Variants in TAT observed in about 807,000 individuals in gnomAD.
The protein encoded by TAT is tyrosine aminotransferase, also known as L-tyrosine:2-oxoglutarate aminotransferase.
TAT carries 35 observed loss-of-function variants against 53.6 expected under a neutral mutation model. The observed-to-expected ratio is 0.65, with a 90% CI of 0.50 to 0.87. TAT has a LOEUF of 0.87. Among genes scored for constraint, TAT ranks in the 40% least tolerant of loss-of-function variants. TAT has a pLI of 0.00. For missense variants in TAT, 525 were observed against 571.8 expected, an observed-to-expected ratio of 0.92 and a Z score of 0.83; for synonymous variants, 197 against 206.5, an observed-to-expected ratio of 0.95 and a Z score of 0.39.
At position 71,570,342 on chromosome 16, in the gene TAT, A is replaced by G. The variant is rs1179816553; in HGVS notation, c.968T>C (p.Val323Ala). The G allele has an allele frequency of 1.2e-6, 2 of 1,614,224 alleles. No homozygotes were observed. The highest frequency in any genetic ancestry group is 1.3e-5 in the African/African-American group (1 of 75,052). The part of the protein sequence containing the change: ...SQRILGPCTI[V>A]QGALKSILCR... The stretch of plus-strand genomic sequence containing the variant: ...TAGGATGCTTTTCAGAGCTCCCTGG[A>G]CAATGGTACAGGGTCCCAAAATGCG... The change falls in exon 9 of 12, where the codon GTC becomes GCC. Residue 323 changes from valine to alanine, a missense_variant. By Grantham distance (64) the Val-to-Ala change is moderately conservative. Coordinates refer to ENST00000355962, the MANE Select transcript of TAT (RefSeq NM_000353.3).
In TAT at chr16:71,568,244, A is replaced by G; in HGVS notation, c.1265T>C (p.Val422Ala). ...CGCCTCCAGCATCATCACCTCGGGG[A>G]CTGTGATGACCACTCGGATGAAATT... Reference protein sequence around the residue: ...YPNFIRVVITVPEVMMLEACS... With the variant: ...YPNFIRVVITAPEVMMLEACS... Residue 422 changes from valine to alanine, a missense_variant, in exon 12 of 12, where the codon GTC becomes GCC. Val to Ala is a moderately conservative substitution (Grantham distance 64, BLOSUM62 0). Transcript: ENST00000355962. The G allele has an allele frequency of 6.2e-7, 1 of 1,614,142 alleles. No homozygotes were observed. Among genetic ancestry groups the G allele is most frequent in the Non-Finnish European group, 8.5e-7 (1 of 1,179,994 alleles).
In TAT at chr16:71,568,765, C is replaced by A. The variant is rs2145229327; in HGVS notation, c.1170G>T (p.Val390=). 5 of 1,614,024 alleles carry A rather than the reference C, an allele frequency of 3.1e-6. No homozygotes were observed. Among genetic ancestry groups the A allele is most frequent in the Non-Finnish European group, 4.2e-6 (5 of 1,180,010 alleles). ...CAGCAACTAACCGCTCCGTGAACTC[C>A]ACATCGTTCTCAAATTCTGGGAAAT... ...MEHFPEFEND[V]EFTERLVAEQ... The change falls in exon 11 of 12, where the codon GTG becomes GTT. Residue 390 remains valine (V), a synonymous_variant. Transcript: ENST00000355962.
At chr16:71,568,434 C>T in intron 11 of TAT, 150 bp from the exon 12 acceptor site, 1 of 749,284 alleles carries the variant, frequency 1.3e-6, no homozygotes, top group Non-Finnish European at 2.2e-6. Context: ...GCTAAGTCAG[C>T]AACTGAGTTC....
Position 71,572,530 on chromosome 16 carries a change from C to A in TAT, c.567G>T (p.Leu189Phe). Residue 189 changes from leucine (L) to phenylalanine (F), a missense_variant and splice_region_variant, in exon 5 of 12, where the codon TTG becomes TTT. By Grantham distance (22) the Leu-to-Phe change is conservative. Transcript: ENST00000355962. ...AGTCTAAGATTAAAAAGTCATTTAC[C>A]AACAAATTGTAGAGTTTGACCTCAA... is the stretch of plus-strand genomic sequence containing the variant. Reference protein sequence around the residue: ...MGIEVKLYNLLPEKSWEIDLK... With the variant: ...MGIEVKLYNLFPEKSWEIDLK... 1 of 1,614,110 alleles carries A rather than the reference C, an allele frequency of 6.2e-7. No individual in the cohort carries two copies. The highest frequency in any genetic ancestry group is 8.5e-7 in the Non-Finnish European group (1 of 1,180,022).
chr16:71,570,635 A>C (rs2044196156), intron 8 of TAT, 44 bp downstream of exon 8: 2 of 1,613,614 alleles, frequency 1.2e-6, no homozygotes, highest in Non-Finnish European at 1.7e-6. Context: ...TCATGAAATA[A>C]ATATATACCC....
Position 71,570,687 on chromosome 16 carries a change from C to T in TAT, c.904G>A (p.Gly302Ser). 6.2e-7 allele frequency: 1 copy of T among 1,614,158 alleles called. No individual in the cohort carries two copies. Among genetic ancestry groups the T allele is most frequent in the Non-Finnish European group, 8.5e-7 (1 of 1,180,030 alleles). Residue 302 changes from glycine (G) to serine (S), a missense_variant, in exon 8 of 12, where the codon GGC becomes AGC. Physicochemically the swap from Gly to Ser is moderately conservative, Grantham distance 56. Transcript: ENST00000355962. Reference sequence around the variant, plus strand: ...TTTCACCATATTATCACCTCATTGCCAAAAATGTCTCTTCGGTCATGAATG... The same window carrying T: ...TTTCACCATATTATCACCTCATTGCTAAAAATGTCTCTTCGGTCATGAATG... Reference protein sequence around the residue: ...ILIHDRRDIFGNEIRDGLVKL... With the variant: ...ILIHDRRDIFSNEIRDGLVKL...
intron 3 of TAT, among the ~76,000 whole-genome samples, chr16:71,573,982 A>G (rs959910977): frequency 6.6e-6 from 1 of 152,084 alleles, no homozygotes; most frequent in African/African-American, 2.4e-5. Context: ...GTGCCTGGCA[A>G]GAAGATGAAG....
rs1435438377 is a variant in TAT at position 71,572,207 on chromosome 16, G to C, written c.685C>G (p.His229Asp). ...NPCGSVFSKR[H>D]LQKILAVAAR... ...GTACCTGCCAGAATCTTCTGAAGATGACGTTTGCTGAACACTGACCCACAG... is the reference window on the plus strand; with the variant it reads ...GTACCTGCCAGAATCTTCTGAAGATCACGTTTGCTGAACACTGACCCACAG... Residue 229 changes from histidine (H) to aspartate (D), a missense_variant, in exon 6 of 12, where the codon CAT becomes GAT. Coordinates refer to ENST00000355962, the MANE Select transcript of TAT (RefSeq NM_000353.3). 6.2e-7 allele frequency: 1 copy of C among 1,614,064 alleles called. No individual in the cohort carries two copies. Among genetic ancestry groups the C allele is most frequent in the African/African-American group, 1.3e-5 (1 of 74,934 alleles).
chr16:71,571,059 A>G (rs542884706), intron 7 of TAT, among the ~76,000 whole-genome samples: 1 of 152,308 alleles, frequency 6.6e-6, no homozygotes, highest in East Asian at 1.9e-4. Context: ...AAATGAGGAA[A>G]CTGACCCTAG....
chr16:71,569,936 G>C lies in TAT; in HGVS notation c.1043C>G (p.Ser348Cys), dbSNP rs779944561. 1 of 1,613,170 alleles carries C rather than the reference G, an allele frequency of 6.2e-7. No individual in the cohort carries two copies. Among genetic ancestry groups the C allele is most frequent in the East Asian group, 2.2e-5 (1 of 44,854 alleles). ...FYHNTLSFLK[S>C]NADLCYGALA... is the part of the protein sequence containing the mutation. Reference sequence around the variant, plus strand: ...CGCCCCATAACAGAGATCAGCATTGGACTACAAGAAGAGGCAAGGAGAAAT... The same window carrying C: ...CGCCCCATAACAGAGATCAGCATTGCACTACAAGAAGAGGCAAGGAGAAAT... Residue 348 changes from serine (S) to cysteine (C), a missense_variant and splice_region_variant, in exon 10 of 12, where the codon TCC (serine) becomes TGC (cysteine). Ser to Cys is a moderately radical substitution (Grantham distance 112). Transcript: ENST00000355962.
chr16:71,575,273 T>C (rs967346954), intron 3 of TAT: 9 of 153,304 alleles, frequency 5.9e-5, no homozygotes, highest in African/African-American at 1.9e-4. Context: ...TGTTCAATAC[T>C]GAAAGTCAAG....
At chr16:71,573,906 C>T (rs1335731228) in intron 3 of TAT, among the ~76,000 whole-genome samples, 3 of 152,220 alleles carry the variant, frequency 2.0e-5, no homozygotes, top group Middle Eastern at 3.4e-3. Flanking sequence ...ATTTCACACT[C>T]CTGGGCTCAG....
Position 71,575,993 on chromosome 16 carries a change from T to C in TAT, c.269A>G (p.Asp90Gly), listed in dbSNP as rs886052275. 5.0e-6 allele frequency: 8 copies of C among 1,613,986 alleles called. No individual in the cohort carries two copies. Among genetic ancestry groups the C allele is most frequent in the Non-Finnish European group, 6.8e-6 (8 of 1,180,018 alleles). ...TTTCATTGCCTGGGTAACTTCAGGG[T>C]CTGTAGGCAGGTTTCCAAACACAGT... ...DPTVFGNLPT[D>G]PEVTQAMKDA... The change falls in exon 3 of 12, where the codon GAC (aspartate) becomes GGC (glycine). Residue 90 changes from aspartate (D) to glycine (G), a missense_variant. Transcript: ENST00000355962.
In TAT at chr16:71,572,653, A is replaced by G; in HGVS notation, c.444T>C (p.Ile148=). The change falls in exon 5 of 12, where the codon ATT becomes ATC. Residue 148 remains isoleucine (I), a synonymous_variant. Transcript: ENST00000355962. ...VILTSGCSQA[I]DLCLAVLANP... is the part of the protein sequence containing the mutation. ...TGGCCAACACAGCTAAACAAAGGTCAATAGCTTGGCTGCAGCCACTTGTCA... is the reference window on the plus strand; with the variant it reads ...TGGCCAACACAGCTAAACAAAGGTCGATAGCTTGGCTGCAGCCACTTGTCA... 6.2e-7 allele frequency: 1 copy of G among 1,614,228 alleles called. No homozygotes were observed. Among genetic ancestry groups the G allele is most frequent in the Non-Finnish European group, 8.5e-7 (1 of 1,180,036 alleles).
rs2145232672 is a variant in TAT at position 71,572,298 on chromosome 16, C to A, written c.594G>T (p.Leu198=). ...LLPEKSWEID[L]KQLEYLIDEK... is the part of the protein sequence containing the mutation. ...CATCAATTAGATATTCCAGTTGTTT[C>A]AGGTCAATTTCCCAAGATTTCTCTG... The change falls in exon 6 of 12, where the codon CTG becomes CTT. Residue 198 remains leucine, a synonymous_variant. Transcript: ENST00000355962. 6.2e-7 allele frequency: 1 copy of A among 1,614,188 alleles called. No individual in the cohort carries two copies.
At chr16:71,571,485 G>T (rs761754537) in intron 7 of TAT, 121 bp downstream of exon 7, 29 of 925,360 alleles carry the variant, frequency 3.1e-5, no homozygotes, top group Non-Finnish European at 4.5e-5. Flanking sequence ...TTTGTAAAAA[G>T]TGCAGGGATG....
rs769973180 is a variant in TAT at position 71,572,705 on chromosome 16, A to G, written c.409-17T>C. On this transcript the variant is annotated splice_polypyrimidine_tract_variant and intron_variant, in intron 4 of 11. Coordinates refer to ENST00000355962, the MANE Select transcript of TAT (RefSeq NM_000353.3). ...AATGACGTCCTGTGAAGGAAATAAA[A>G]GGTTAATTTCATTAGGGGTTCCAAC... 3.7e-6 allele frequency: 6 copies of G among 1,614,182 alleles called. No homozygotes were observed. The highest frequency in any genetic ancestry group is 3.4e-6 in the Non-Finnish European group (4 of 1,180,012).
In TAT at chr16:71,567,188, T is replaced by C. The variant is rs1234560526; in HGVS notation, c.*956A>G. The C allele has an allele frequency of 1.3e-5, 2 of 152,054 alleles. No homozygotes were observed. Among genetic ancestry groups the C allele is most frequent in the African/African-American group, 2.4e-5 (1 of 41,342 alleles). 9.4% of individuals were successfully genotyped at this position (152,054 alleles called of 1,614,324 possible). ...CTTTAGGAGACCCAGGCGGGCAGAT[T>C]GCCTGAGGTCAGGAGTTTGAGACCA... On this transcript the variant is annotated 3_prime_UTR_variant, in exon 12 of 12. Coordinates refer to ENST00000355962, the MANE Select transcript of TAT (RefSeq NM_000353.3).
intron 3 of TAT, 164 bp downstream of exon 3, chr16:71,575,758 G>C: frequency 1.3e-6 from 1 of 752,284 alleles, no homozygotes. Context: ...TTGTATTTAA[G>C]CATCCCGAGA....
Sources: gnomAD v4.1 joint callset for allele counts (sites outside exome capture counted in the v4.1 genomes callset) on GRCh38, gnomAD v4.1.1 for gene constraint, MANE v1.5 for transcripts, NCBI Gene and HGNC (gene_info 2026-07-23, HGNC 2026-07-21) for gene names.